Variants in CDIN1 observed in about 807,000 individuals in gnomAD.
CDIN1 encodes the protein CDAN1 interacting nuclease 1, also known as CDAN1-interacting nuclease 1.
A neutral mutation model predicts 45.3 loss-of-function variants in CDIN1; 33 were observed. The observed-to-expected ratio is 0.73, with a 90% CI of 0.55 to 0.97. The LOEUF is 0.97. Among genes scored for constraint, CDIN1 ranks in the 50% least tolerant of loss-of-function variants. The probability of loss-of-function intolerance (pLI) is 0.00; values close to 1 mark genes in which losing one functional copy is unlikely to be tolerated. For missense variants in CDIN1, 303 were observed against 339.4 expected (o/e 0.89, Z 0.84); for synonymous variants, 118 against 124.4 (o/e 0.95, Z 0.34).
intron 8 of CDIN1, among the ~76,000 whole-genome samples, chr15:36,703,658 T>C (rs962358692): frequency 6.6e-6 from 1 of 152,032 alleles, no homozygotes; most frequent in Non-Finnish European, 1.5e-5. Context: ...TCAAACACGT[T>C]ACTGTGATTG....
chr15:36,760,793 G>A (rs1199583928), intron 10 of CDIN1, among the ~76,000 whole-genome samples: 1 of 152,076 alleles, frequency 6.6e-6, no homozygotes, highest in East Asian at 1.9e-4. Flanking sequence ...ATTTCTTTAG[G>A]ATAATATCCA....
At chr15:36,630,229 T>C (rs1402038982) in intron 1 of CDIN1, among the ~76,000 whole-genome samples, 2 of 152,244 alleles carry the variant, frequency 1.3e-5, no homozygotes, top group Admixed American at 6.5e-5. Flanking sequence ...AGAATAGAAC[T>C]GCTACAGTAG....
At chr15:36,761,990 G>A (rs1267424902) in intron 10 of CDIN1, among the ~76,000 whole-genome samples, 1 of 152,176 alleles carries the variant, frequency 6.6e-6, no homozygotes, top group African/African-American at 2.4e-5. Flanking sequence ...ACGGTGTTAA[G>A]CTCACAGGCT....
At chr15:36,632,747 C>T (rs1349643414) in intron 1 of CDIN1, among the ~76,000 whole-genome samples, 1 of 152,158 alleles carries the variant, frequency 6.6e-6, no homozygotes, top group African/African-American at 2.4e-5. Flanking sequence ...CCCTCTGCAG[C>T]ATGTAGGGCA....
chr15:36,682,397 C>T (rs1426347511), intron 5 of CDIN1, among the ~76,000 whole-genome samples: 1 of 151,988 alleles, frequency 6.6e-6, no homozygotes, highest in African/African-American at 2.4e-5. Flanking sequence ...TAAGGCCCAC[C>T]CACATTAGGG....
At chr15:36,757,390 G>A (rs2053636696) in intron 10 of CDIN1, among the ~76,000 whole-genome samples, 1 of 152,154 alleles carries the variant, frequency 6.6e-6, no homozygotes, top group Non-Finnish European at 1.5e-5. Flanking sequence ...CTTGGGTCGA[G>A]ACCTCATGAA....
At chr15:36,722,359 C>T (rs1016591700) in intron 10 of CDIN1, among the ~76,000 whole-genome samples, 4 of 147,258 alleles carry the variant, frequency 2.7e-5, no homozygotes, top group African/African-American at 1.0e-4. Flanking sequence ...TATATTCTAC[C>T]TCTCTTTCCC....
chr15:36,596,798 A>G (rs747449512), intron 1 of CDIN1, among the ~76,000 whole-genome samples: 2 of 152,080 alleles, frequency 1.3e-5, no homozygotes, highest in Non-Finnish European at 2.9e-5. Flanking sequence ...AAAACAAAAA[A>G]CAACAACAAC....
intron 1 of CDIN1, among the ~76,000 whole-genome samples, chr15:36,587,072 A>G (rs1057446005): frequency 2.0e-5 from 3 of 152,224 alleles, no homozygotes; most frequent in African/African-American, 7.2e-5. Flanking sequence ...CGCTGTACTA[A>G]TGACTCAAAC....
At chr15:36,664,433 T>C (rs2140499695) in intron 5 of CDIN1, among the ~76,000 whole-genome samples, 1 of 152,398 alleles carries the variant, frequency 6.6e-6, no homozygotes, top group African/African-American at 2.4e-5. Context: ...AATTTTCATT[T>C]GTATACCTAC....
At chr15:36,588,800 T>C (rs2037428862) in intron 1 of CDIN1, among the ~76,000 whole-genome samples, 1 of 152,156 alleles carries the variant, frequency 6.6e-6, no homozygotes, top group Admixed American at 6.5e-5. Flanking sequence ...TGTTTAGCTT[T>C]TATTAGATAT....
At chr15:36,583,885 G>A (rs1392459011) in intron 1 of CDIN1, among the ~76,000 whole-genome samples, 2 of 151,964 alleles carry the variant, frequency 1.3e-5, no homozygotes, top group African/African-American at 4.8e-5. Flanking sequence ...GCACGGTGGC[G>A]GGCGCCTGTA....
chr15:36,788,277 T>G (rs1047415775), intron 10 of CDIN1, among the ~76,000 whole-genome samples: 2 of 151,538 alleles, frequency 1.3e-5, no homozygotes, highest in African/African-American at 4.9e-5. Flanking sequence ...CCACCACACC[T>G]GGCCAATTTT....
chr15:36,653,252 A>G (rs1305842444), intron 3 of CDIN1, among the ~76,000 whole-genome samples: 4 of 152,122 alleles, frequency 2.6e-5, no homozygotes, highest in Non-Finnish European at 5.9e-5. Context: ...GAAGAAGGTG[A>G]CATCTGAATT....
At chr15:36,671,668 T>C (rs1316984057) in intron 5 of CDIN1, among the ~76,000 whole-genome samples, 1 of 152,142 alleles carries the variant, frequency 6.6e-6, no homozygotes, top group Non-Finnish European at 1.5e-5. Flanking sequence ...AGTTTCTTCC[T>C]TGAGCAGGCC....
chr15:36,642,100 C>T (rs2040134211), intron 1 of CDIN1: 1 of 152,190 alleles, frequency 6.6e-6, no homozygotes, highest in African/African-American at 2.4e-5. Flanking sequence ...GGACTCTGAT[C>T]CTCTCCCCAC....
intron 10 of CDIN1, among the ~76,000 whole-genome samples, chr15:36,789,761 C>G (rs369786928): frequency 6.6e-6 from 1 of 152,284 alleles, no homozygotes; most frequent in South Asian, 2.1e-4. Flanking sequence ...TCTGAAATGT[C>G]TGTTCTTGTG....
intron 10 of CDIN1, among the ~76,000 whole-genome samples, chr15:36,750,049 A>G (rs2053416821): frequency 6.6e-6 from 1 of 151,980 alleles, no homozygotes; most frequent in South Asian, 2.1e-4. Context: ...CTTCTTCCTG[A>G]GCAGGATCCA....
chr15:36,718,978 C>T (rs1234875761), intron 10 of CDIN1, among the ~76,000 whole-genome samples: 1 of 151,762 alleles, frequency 6.6e-6, no homozygotes, highest in Non-Finnish European at 1.5e-5. Flanking sequence ...AATCCCAGCA[C>T]TTTGGGAGAC....
Sources: gnomAD v4.1 joint callset for allele counts (sites outside exome capture counted in the v4.1 genomes callset) on GRCh38, gnomAD v4.1.1 for gene constraint, MANE v1.5 for transcripts, NCBI Gene and HGNC (gene_info 2026-07-23, HGNC 2026-07-21) for gene names.